RANBP2: variants seen among roughly 807,000 people sequenced by gnomAD.
RANBP2 encodes the protein RAN binding protein 2.
In RANBP2, 57 loss-of-function variants were observed where a neutral mutation model predicts 303.6. The observed-to-expected ratio is 0.19, with a 90% CI of 0.15 to 0.23. The LOEUF (loss-of-function observed/expected upper bound fraction) is 0.23. Ranked by LOEUF, RANBP2 falls within the 10% of genes least tolerant of loss-of-function variation. The pLI is 1.00. For synonymous variants in RANBP2, 1,167 were observed against 1,301.5 expected, an observed-to-expected ratio of 0.90 and a Z score of 2.23; for missense variants, 3,138 against 3,780.8, an observed-to-expected ratio of 0.83 and a Z score of 4.46.
At chr2:109,644,663 C>G in the RANBP2 span, among the ~76,000 whole-genome samples, 2 of 152,156 alleles carry the variant, frequency 1.3e-5, no homozygotes, top group African/African-American at 4.8e-5. Flanking sequence ...TCTTTATCCC[C>G]AAGGGCATGT....
intron 18 of RANBP2, among the ~76,000 whole-genome samples, chr2:108,761,284 C>T (rs1676713460): frequency 1.3e-5 from 2 of 150,922 alleles, no homozygotes; most frequent in African/African-American, 4.9e-5. Context: ...CAAAATCAAA[C>T]TTGGGCTTCT....
the RANBP2 span, among the ~76,000 whole-genome samples, chr2:108,995,737 G>A: frequency 6.6e-6 from 1 of 152,216 alleles, no homozygotes; most frequent in African/African-American, 2.4e-5. Context: ...CAAAAAGGCT[G>A]CCAACTCATC....
chr2:109,595,283 A>G, the RANBP2 span, among the ~76,000 whole-genome samples: 1 of 152,228 alleles, frequency 6.6e-6, no homozygotes, highest in African/African-American at 2.4e-5. Flanking sequence ...TCAGTGAGGG[A>G]CACAACGGTT....
chr2:109,652,935 G>A, the RANBP2 span, among the ~76,000 whole-genome samples: 2 of 152,236 alleles, frequency 1.3e-5, no homozygotes, highest in Non-Finnish European at 1.5e-5. Flanking sequence ...TCCTGGGCTC[G>A]TCTTCAATAA....
chr2:109,688,781 TAA>T, the RANBP2 span, among the ~76,000 whole-genome samples: 13 of 43,740 alleles, frequency 3.0e-4, no homozygotes, highest in Admixed American at 1.1e-3. Flanking sequence ...TCTGTCTCAA[TAA>T]AAAAAAAAAA....
chr2:109,015,097 C>T, the RANBP2 span, among the ~76,000 whole-genome samples: 7 of 130,376 alleles, frequency 5.4e-5, no homozygotes, highest in Middle Eastern at 8.8e-3. Flanking sequence ...TCCAGCCTGG[C>T]GACAGAGCGA....
chr2:108,802,391 AT>A, the RANBP2 span, among the ~76,000 whole-genome samples: 5 of 135,220 alleles, frequency 3.7e-5, no homozygotes, highest in African/African-American at 1.6e-4. Flanking sequence ...CTTTGAAGCA[AT>A]TGTGAATGGG....
the RANBP2 span, among the ~76,000 whole-genome samples, chr2:109,734,447 A>G: frequency 6.6e-6 from 1 of 152,212 alleles, no homozygotes. Context: ...AGATTAATAC[A>G]CTGACAACTA....
chr2:108,777,729 C>G (rs1677985374), intron 25 of RANBP2, among the ~76,000 whole-genome samples: 2 of 152,064 alleles, frequency 1.3e-5, no homozygotes, highest in African/African-American at 2.4e-5. Flanking sequence ...GGTAACATTT[C>G]TAGAAAAGAA....
rs529005450 is a variant in RANBP2 at position 108,766,881 on chromosome 2, T to C, written c.6342T>C (p.Asp2114=). Residue 2114 remains aspartate, a synonymous_variant, in exon 20 of 29, where the codon GAT becomes GAC. Transcript: ENST00000283195. Reference sequence around the variant, plus strand: ...TGTGGTTAGCCAGTGATTTCTCTGATGGTGATGCCAAACTAGAGCAGTTGG... The same window carrying C: ...TGTGGTTAGCCAGTGATTTCTCTGACGGTGATGCCAAACTAGAGCAGTTGG... ...AWMWLASDFS[D]GDAKLEQLAA... 85 of 1,611,450 alleles carry C rather than the reference T, an allele frequency of 5.3e-5. No homozygotes were observed. Among genetic ancestry groups the C allele is most frequent in the Admixed American group, 3.8e-4 (23 of 60,020 alleles).
the RANBP2 span, among the ~76,000 whole-genome samples, chr2:108,984,804 C>T: frequency 1.3e-5 from 2 of 152,190 alleles, no homozygotes; most frequent in African/African-American, 4.8e-5. Flanking sequence ...CACTGTGTTA[C>T]TCACTACATC....
the RANBP2 span, among the ~76,000 whole-genome samples, chr2:108,793,400 GAAAAT>G: frequency 6.1e-3 from 933 of 152,134 alleles, 13 homozygotes; most frequent in African/African-American, 0.021. Context: ...ATTGTTAAAA[GAAAAT>G]AAATTCTGAC....
At chr2:109,576,859 CAT>C in the RANBP2 span, among the ~76,000 whole-genome samples, 1 of 152,022 alleles carries the variant, frequency 6.6e-6, no homozygotes, top group African/African-American at 2.4e-5. Flanking sequence ...GAAGATCTAA[CAT>C]ATATTTCATC....
the RANBP2 span, among the ~76,000 whole-genome samples, chr2:108,921,093 C>T: frequency 1.3e-5 from 2 of 152,214 alleles, no homozygotes. Context: ...TGCTCCCCTG[C>T]GAATCACCCC....
the RANBP2 span, among the ~76,000 whole-genome samples, chr2:109,002,560 C>T: frequency 6.6e-6 from 1 of 152,130 alleles, no homozygotes; most frequent in Middle Eastern, 3.4e-3. Context: ...ATTACCACAC[C>T]TCAGTGCACC....
the RANBP2 span, among the ~76,000 whole-genome samples, chr2:109,520,105 C>CGTA: frequency 6.6e-6 from 1 of 152,146 alleles, no homozygotes; most frequent in African/African-American, 2.4e-5. Flanking sequence ...TCCTGTGATA[C>CGTA]GGTACTACGT....
At chr2:108,838,973 G>A in the RANBP2 span, among the ~76,000 whole-genome samples, 12 of 152,248 alleles carry the variant, frequency 7.9e-5, no homozygotes, top group African/African-American at 2.6e-4. Context: ...TAGATGTGCT[G>A]TTATTGCTGG....
At chr2:109,649,800 A>G in the RANBP2 span, among the ~76,000 whole-genome samples, 1 of 152,132 alleles carries the variant, frequency 6.6e-6, no homozygotes, top group Non-Finnish European at 1.5e-5. Context: ...TTGGTTTCTC[A>G]TTTTCTTAAG....
the RANBP2 span, among the ~76,000 whole-genome samples, chr2:109,125,050 G>A: frequency 1.3e-5 from 2 of 152,228 alleles, no homozygotes; most frequent in Non-Finnish European, 2.9e-5. Flanking sequence ...CAACAGCAAG[G>A]CCAGGAAAGC....
Sources: gnomAD v4.1 joint callset for allele counts (sites outside exome capture counted in the v4.1 genomes callset) on GRCh38, gnomAD v4.1.1 for gene constraint, MANE v1.5 for transcripts, NCBI Gene and HGNC (gene_info 2026-07-23, HGNC 2026-07-21) for gene names.